SCGB2B2: variants seen among roughly 807,000 people sequenced by gnomAD.
The protein encoded by SCGB2B2 is secretoglobin family 2B member 2.
SCGB2B2 carries 11 observed loss-of-function variants against 7.6 expected under a neutral mutation model. The ratio of observed to expected loss-of-function variants is 1.45; its 90% CI spans 0.91 to 2.40. The LOEUF is 2.40. Among genes scored for constraint, SCGB2B2 ranks in the 30% most tolerant of loss-of-function variants. The pLI is 0.00. For synonymous variants in SCGB2B2, 50 were observed against 48.6 expected (o/e 1.03, Z -0.12); for missense variants, 104 against 115.4 (o/e 0.90, Z 0.45).
intron 1 of SCGB2B2, among the ~76,000 whole-genome samples, chr19:34,607,911 TCTCA>T (rs1353553452): frequency 1.3e-5 from 2 of 152,226 alleles, no homozygotes; most frequent in African/African-American, 4.8e-5. Flanking sequence ...AGCTTCATCT[TCTCA>T]CTCAGAATTC....
intron 1 of SCGB2B2, among the ~76,000 whole-genome samples, chr19:34,607,908 T>G (rs2065825851): frequency 6.6e-6 from 1 of 152,228 alleles, no homozygotes; most frequent in Non-Finnish European, 1.5e-5. Flanking sequence ...TCCAGCTTCA[T>G]CTTCTCACTC....
intron 1 of SCGB2B2, among the ~76,000 whole-genome samples, chr19:34,655,370 C>A (rs140768573): frequency 1.3e-5 from 2 of 151,206 alleles, no homozygotes; most frequent in African/African-American, 4.9e-5. Context: ...AAACCTTGGT[C>A]TCCACAAACC....
chr19:34,651,396 A>G (rs2067158718), intron 1 of SCGB2B2, among the ~76,000 whole-genome samples: 1 of 151,218 alleles, frequency 6.6e-6, no homozygotes, highest in African/African-American at 2.5e-5. Flanking sequence ...CTAAAGCACC[A>G]CCAAAAAAAC....
At chr19:34,659,504 G>A (rs1040031951) in intron 1 of SCGB2B2, among the ~76,000 whole-genome samples, 1 of 151,884 alleles carries the variant, frequency 6.6e-6, no homozygotes, top group Non-Finnish European at 1.5e-5. Flanking sequence ...ATAGACAAAC[G>A]GAGAGCCAAA....
In SCGB2B2 at chr19:34,593,157, A is replaced by G. The variant is rs2065342832; in HGVS notation, c.*398T>C. ...GCCAACATGGCAAAACCCTGTCTCCACTAAAAATACAAAAATTAGCCAAGC... is the reference window on the plus strand; with the variant it reads ...GCCAACATGGCAAAACCCTGTCTCCGCTAAAAATACAAAAATTAGCCAAGC... On this transcript the variant is annotated 3_prime_UTR_variant, in exon 4 of 4. Transcript: ENST00000601241. Among the ~76,000 whole-genome samples the G allele has an allele frequency of 6.6e-6, 1 of 152,174 alleles. No homozygotes were observed.
chr19:34,610,125 G>A (rs563870105), intron 1 of SCGB2B2, among the ~76,000 whole-genome samples: 6 of 152,028 alleles, frequency 3.9e-5, no homozygotes, highest in Middle Eastern at 3.4e-3. Context: ...TTGCTGATGT[G>A]TAGGAATGCT....
chr19:34,675,629 C>A lies in SCGB2B2; in HGVS notation c.-2032+1G>T, dbSNP rs2067904042. ...AAAATCAAGATGGCGAGGAGACTGA[C>A]CTTTGGTGTCCTCACTGCTGCTTGT... On this transcript the variant is annotated splice_donor_variant, in intron 1 of 3. Coordinates refer to ENST00000601241, the MANE Select transcript of SCGB2B2 (RefSeq NM_001025591.4). LOFTEE classifies it low-confidence loss of function (5UTR_SPLICE). The A allele has an allele frequency of 6.6e-6, 1 of 152,326 alleles. No individual in the cohort carries two copies. Among genetic ancestry groups the A allele is most frequent in the Non-Finnish European group, 1.5e-5 (1 of 68,136 alleles). The allele number at this position is 152,326 out of a possible 1,614,324, so 9.4% of individuals were successfully genotyped here.
chr19:34,604,311 C>T (rs2145799460), intron 1 of SCGB2B2, among the ~76,000 whole-genome samples: 1 of 152,304 alleles, frequency 6.6e-6, no homozygotes, highest in Middle Eastern at 3.4e-3. Flanking sequence ...TTAGTCTTTC[C>T]TTCCCACATC....
chr19:34,653,163 T>C (rs1404293737), intron 1 of SCGB2B2, among the ~76,000 whole-genome samples: 1 of 151,154 alleles, frequency 6.6e-6, no homozygotes, highest in Non-Finnish European at 1.5e-5. Context: ...GCTGCTCTCA[T>C]AGAAGAAGAG....
intron 1 of SCGB2B2, among the ~76,000 whole-genome samples, chr19:34,644,731 C>G (rs2066948100): frequency 6.6e-6 from 1 of 152,164 alleles, no homozygotes; most frequent in Admixed American, 6.5e-5. Flanking sequence ...ATCTTTTTCG[C>G]CAAATTATAT....
At chr19:34,671,449 T>G (rs2146206485) in intron 1 of SCGB2B2, among the ~76,000 whole-genome samples, 1 of 152,334 alleles carries the variant, frequency 6.6e-6, no homozygotes, top group South Asian at 2.1e-4. Flanking sequence ...TTTTCTTTTT[T>G]TTTTGCTATT....
At chr19:34,619,234 T>C (rs2863304) in intron 1 of SCGB2B2, among the ~76,000 whole-genome samples, 47,962 of 152,060 alleles carry the variant, frequency 0.32, 8,411 homozygotes, top group Middle Eastern at 0.47. Context: ...CAAGACAGAA[T>C]TTCATCAATA....
intron 1 of SCGB2B2, among the ~76,000 whole-genome samples, chr19:34,650,181 G>A (rs912798706): frequency 3.3e-5 from 5 of 151,356 alleles, no homozygotes; most frequent in Admixed American, 6.6e-5. Context: ...GGGTGGTTCA[G>A]CTGCTGGGGC....
Position 34,592,984 on chromosome 19 carries a change from G to A in SCGB2B2, c.*571C>T, listed in dbSNP as rs78345835. Among the ~76,000 whole-genome samples the A allele has an allele frequency of 1.6e-3, 239 of 152,246 alleles. No individual in the cohort carries two copies. The highest frequency in any genetic ancestry group is 2.8e-3 in the Non-Finnish European group (189 of 68,016). The stretch of plus-strand genomic sequence containing the variant: ...GGAGAAAAAAGGACAGCTTGGGTAG[G>A]TAGGGATGGAGAAGTGTGTTAAGGT... On this transcript the variant is annotated 3_prime_UTR_variant, in exon 4 of 4. Transcript: ENST00000601241.
intron 1 of SCGB2B2, among the ~76,000 whole-genome samples, chr19:34,647,275 C>T (rs1055522534): frequency 1.9e-4 from 29 of 152,306 alleles, no homozygotes; most frequent in South Asian, 4.1e-4. Flanking sequence ...CAGTTGATTT[C>T]GTCCTCGCTG....
chr19:34,612,868 C>T (rs2065971731), intron 1 of SCGB2B2, among the ~76,000 whole-genome samples: 1 of 152,154 alleles, frequency 6.6e-6, no homozygotes, highest in African/African-American at 2.4e-5. Context: ...TTAGAATTGT[C>T]ATACCCTCTT....
downstream of SCGB2B2, among the ~76,000 whole-genome samples, chr19:34,587,895 T>C (rs959375403): frequency 6.6e-6 from 1 of 152,232 alleles, no homozygotes; most frequent in African/African-American, 2.4e-5. Context: ...GGCATAGGAA[T>C]GATCACTTTG....
At chr19:34,630,417 C>G (rs139032628) in intron 1 of SCGB2B2, among the ~76,000 whole-genome samples, 144,693 of 151,848 alleles carry the variant, frequency 0.95, 69,402 homozygotes, top group Middle Eastern at 0.99. Context: ...AAATTTACAA[C>G]AAAAAAACAA....
At chr19:34,599,713 C>T (rs2065566994) in intron 1 of SCGB2B2, among the ~76,000 whole-genome samples, 1 of 152,106 alleles carries the variant, frequency 6.6e-6, no homozygotes, top group African/African-American at 2.4e-5. Context: ...TCTCTTCCCT[C>T]CCTGTCCTCT....
Sources: gnomAD v4.1 joint callset for allele counts (sites outside exome capture counted in the v4.1 genomes callset) on GRCh38, gnomAD v4.1.1 for gene constraint, MANE v1.5 for transcripts, NCBI Gene and HGNC (gene_info 2026-07-23, HGNC 2026-07-21) for gene names.